The following DNAH7 variants were observed in gnomAD, a reference collection of about 807,000 sequenced individuals.
DNAH7 encodes axonemal beta dynein heavy chain 7.
In DNAH7, 397 loss-of-function variants were observed where a neutral mutation model predicts 444.6. The ratio of observed to expected loss-of-function variants is 0.89; its 90% confidence interval spans 0.82 to 0.97. The LOEUF is 0.97. Among genes scored for constraint, DNAH7 ranks in the 50% least tolerant of loss-of-function variants. The pLI is 0.00. For missense variants in DNAH7, 4,902 were observed against 4,800.8 expected (o/e 1.02, Z -0.62); for synonymous variants, 1,636 against 1,624.4 (o/e 1.01, Z -0.17).
intron 15 of DNAH7, among the ~76,000 whole-genome samples, chr2:195,981,298 T>C (rs1692554938): frequency 6.6e-6 from 1 of 152,028 alleles, no homozygotes; most frequent in Non-Finnish European, 1.5e-5. Context: ...GAAAGATCTC[T>C]ATAGTGAAAA....
Position 195,987,221 on chromosome 2 carries a change from A to C in DNAH7, c.1627-28T>G, listed in dbSNP as rs748727322. On this transcript the variant is annotated intron_variant, in intron 13 of 64. Coordinates refer to ENST00000312428, the MANE Select transcript of DNAH7 (RefSeq NM_018897.3). ...GCAAAAGATTAAAAGTTTAATCAACATAAGAAGAAATAAAACAAATAAATT... is the reference window on the plus strand; with the variant it reads ...GCAAAAGATTAAAAGTTTAATCAACCTAAGAAGAAATAAAACAAATAAATT... The C allele has an allele frequency of 1.8e-5, 27 of 1,474,256 alleles. 1 individual carries two copies. In the South Asian group the frequency reaches 3.4e-4, roughly 19 times the overall value. 91.3% of individuals were successfully genotyped at this position (1,474,256 alleles called of 1,614,324 possible).
Position 195,874,826 on chromosome 2 carries a change from C to T in DNAH7, c.6286+849G>A, listed in dbSNP as rs901725991. 2.6e-5 allele frequency among the ~76,000 whole-genome samples: 4 copies of T among 151,968 alleles called. No individual in the cohort carries two copies. In the East Asian group the frequency reaches 7.7e-4, roughly 29 times the overall value. The stretch of plus-strand genomic sequence containing the variant: ...ACAGAGTGAGACCCTGTCTCAAAAA[C>T]AAACAAACAGAAAGTGTTCAAAATG... On this transcript the variant is annotated intron_variant, in intron 38 of 64. Transcript: ENST00000312428.
At chr2:196,034,224 A>T (rs1221390903) in intron 5 of DNAH7, among the ~76,000 whole-genome samples, 16 of 152,246 alleles carry the variant, frequency 1.1e-4, no homozygotes, top group Non-Finnish European at 1.0e-4. Context: ...AAGGTCAACA[A>T]GCAAAAATCA....
chr2:195,756,198 A>G lies in DNAH7; in HGVS notation c.11521T>C (p.Tyr3841His), dbSNP rs759111198. The change falls in exon 62 of 65, where the codon TAC becomes CAC. Residue 3841 changes from tyrosine (Y) to histidine (H), a missense_variant. Coordinates refer to ENST00000312428, the MANE Select transcript of DNAH7 (RefSeq NM_018897.3). The stretch of plus-strand genomic sequence containing the variant: ...CTGCCAAGTGGTTTAAGGCTTGGGT[A>G]GGATTTACCCATCCACATTTCTGGA... ...KIPEMWMGKSYPSLKPLGSYV... is the reference protein window; with the variant it reads ...KIPEMWMGKSHPSLKPLGSYV... The G allele has an allele frequency of 5.0e-6, 8 of 1,613,692 alleles. No individual in the cohort carries two copies. The highest frequency in any genetic ancestry group is 6.8e-6 in the Non-Finnish European group (8 of 1,179,692).
At position 196,001,959 on chromosome 2, in the gene DNAH7, A is replaced by G. The variant is rs1439890734; in HGVS notation, c.990-101T>C. The G allele has an allele frequency of 5.5e-6, 5 of 905,974 alleles. No individual in the cohort carries two copies. The African/African-American group carries it at 8.5e-5, about 15-fold the overall frequency. 56.1% of individuals were successfully genotyped at this position (905,974 alleles called of 1,614,324 possible). A position where few individuals can be genotyped will look rare whatever the true frequency, so the allele number is the denominator to read the frequency against. On this transcript the variant is annotated intron_variant, in intron 10 of 64. Coordinates refer to ENST00000312428, the MANE Select transcript of DNAH7 (RefSeq NM_018897.3). ...TTTCTGGACATCTAAAGGTCTTCAT[A>G]GAGAAGTATATTGCTAAATGATATT...
Position 196,001,640 on chromosome 2 carries a change from T to G in DNAH7, c.1173+35A>C, listed in dbSNP as rs755009837. The G allele has an allele frequency of 5.6e-6, 8 of 1,437,622 alleles. No homozygotes were observed. In the South Asian group the frequency reaches 1.3e-4, roughly 23 times the overall value. The allele number at this position is 1,437,622 out of a possible 1,614,324, so 89.1% of individuals were successfully genotyped here. On this transcript the variant is annotated intron_variant, in intron 11 of 64. Transcript: ENST00000312428. Reference sequence around the variant, plus strand: ...TGAAATAATTAAAAATAAATAAATTTGTAAATACATATTGGTGAACTGAAC... The same window carrying G: ...TGAAATAATTAAAAATAAATAAATTGGTAAATACATATTGGTGAACTGAAC...
At chr2:195,823,176 T>C (rs1309863807) in intron 49 of DNAH7, among the ~76,000 whole-genome samples, 2 of 152,206 alleles carry the variant, frequency 1.3e-5, no homozygotes, top group Admixed American at 1.3e-4. Flanking sequence ...TAAATAATAT[T>C]GGATTTTAAT....
chr2:196,035,089 G>C (rs936768240), intron 5 of DNAH7, among the ~76,000 whole-genome samples: 3 of 152,086 alleles, frequency 2.0e-5, no homozygotes, highest in African/African-American at 7.2e-5. Context: ...GGCTGAGGTA[G>C]GAAAATCGCT....
At chr2:195,830,584 C>A (rs759189383) in intron 48 of DNAH7, among the ~76,000 whole-genome samples, 4 of 152,078 alleles carry the variant, frequency 2.6e-5, no homozygotes, top group Admixed American at 6.5e-5. Context: ...AAAATAAGGG[C>A]AATCATGGAA....
At chr2:195,946,735 T>G (rs62203363) in intron 19 of DNAH7, among the ~76,000 whole-genome samples, 14,740 of 152,106 alleles carry the variant, frequency 0.097, 821 homozygotes, top group African/African-American at 0.15. Context: ...CCCTTCCTCC[T>G]TCTCTTCACC....
At chr2:195,748,238 T>G (rs1250919444) in intron 63 of DNAH7, among the ~76,000 whole-genome samples, 8 of 152,072 alleles carry the variant, frequency 5.3e-5, no homozygotes, top group East Asian at 1.9e-4. Flanking sequence ...ATTCACAACT[T>G]ATTCAAAGAG....
intron 42 of DNAH7, among the ~76,000 whole-genome samples, chr2:195,860,307 A>C (rs933153812): frequency 6.6e-6 from 1 of 152,132 alleles, no homozygotes; most frequent in African/African-American, 2.4e-5. Context: ...GTGATATCCA[A>C]AATTTAATCA....
chr2:195,900,652 G>A (rs567655288), intron 27 of DNAH7, 158 bp from the exon 28 acceptor site: 9 of 639,336 alleles, frequency 1.4e-5, no homozygotes, highest in Admixed American at 3.1e-5. Flanking sequence ...GCTGGGAAAG[G>A]TGAGGTGGGG....
intron 43 of DNAH7, 117 bp from the exon 44 acceptor site, chr2:195,857,840 G>A: frequency 2.2e-6 from 2 of 925,240 alleles, no homozygotes; most frequent in Non-Finnish European, 3.1e-6. Context: ...GGGTAGAAAT[G>A]GTGACAGTAA....
At chr2:196,004,328 T>C (rs983529866) in intron 10 of DNAH7, among the ~76,000 whole-genome samples, 1 of 152,082 alleles carries the variant, frequency 6.6e-6, no homozygotes, top group African/African-American at 2.4e-5. Context: ...GTAGTAGTCC[T>C]GGGGATTAAG....
rs769221835 is a variant in DNAH7 at position 196,047,304 on chromosome 2, A to AG, written c.398+47dup. ...TAATATTCTTAGGTTAAACGTTGCC[A>AG]GGGGCTCTAACATGGGTAACACGTA... is the stretch of plus-strand genomic sequence containing the variant. On this transcript the variant is annotated intron_variant, in intron 5 of 64. Transcript: ENST00000312428. 5 of 1,454,328 alleles carry AG rather than the reference A, an allele frequency of 3.4e-6. No homozygotes were observed. The African/African-American group carries it at 7.2e-5, about 21-fold the overall frequency. 90.1% of individuals were successfully genotyped at this position (1,454,328 alleles called of 1,614,324 possible).
intron 30 of DNAH7, chr2:195,893,556 A>G (rs571959253): frequency 1.3e-5 from 2 of 151,882 alleles, no homozygotes; most frequent in Non-Finnish European, 2.9e-5. Context: ...TTAAACAATA[A>G]AACAAGCTCA....
At chr2:195,941,413 C>T (rs368762534) in intron 19 of DNAH7, among the ~76,000 whole-genome samples, 1 of 144,420 alleles carries the variant, frequency 6.9e-6, no homozygotes, top group Non-Finnish European at 1.5e-5. Context: ...GGACAAACAC[C>T]TAATGCATGC....
At chr2:196,004,774 G>GGTCT (rs1481100251) in intron 10 of DNAH7, among the ~76,000 whole-genome samples, 1 of 135,862 alleles carries the variant, frequency 7.4e-6, no homozygotes, top group Non-Finnish European at 1.5e-5. Flanking sequence ...ACATGGTGAG[G>GGTCT]GTCTGTCTCA....
Sources: allele counts gnomAD v4.1 joint callset (sites outside exome capture counted in the v4.1 genomes callset), GRCh38; gene constraint gnomAD v4.1.1; transcripts MANE v1.5; gene names NCBI Gene and HGNC (gene_info 2026-07-23, HGNC 2026-07-21).